Variants in CDH12 observed in about 807,000 individuals in gnomAD.
CDH12 encodes cadherin-12.
CDH12 carries 41 observed loss-of-function variants against 74.1 expected under a neutral mutation model. That is an observed-to-expected ratio of 0.55 (90% CI 0.43 to 0.72). CDH12 has a LOEUF of 0.72. Ranked by LOEUF, CDH12 falls within the 30% of genes least tolerant of loss-of-function variation. The pLI is 0.00. For missense variants in CDH12, 945 were observed against 977.2 expected, an observed-to-expected ratio of 0.97 and a Z score of 0.44; for synonymous variants, 399 against 355.0, an observed-to-expected ratio of 1.12 and a Z score of -1.39.
chr5:22,155,224 T>C, intron 4 of CDH12, among the ~76,000 whole-genome samples: 1 of 152,122 alleles, frequency 6.6e-6, no homozygotes, highest in South Asian at 2.1e-4. Context: ...AAGTGTGCTA[T>C]GTAACATGAC....
intron 4 of CDH12, chr5:22,139,459 T>C (rs1374852241): frequency 8.4e-6 from 1 of 119,216 alleles, no homozygotes; most frequent in Non-Finnish European, 1.8e-5. Context: ...ATCTATTCCA[T>C]AATTTGCACA....
chr5:21,886,255 T>G (rs530204939), intron 6 of CDH12, among the ~76,000 whole-genome samples: 9 of 151,938 alleles, frequency 5.9e-5, no homozygotes, highest in Non-Finnish European at 1.2e-4. Flanking sequence ...TTTCTTCATC[T>G]TTGGTATTCT....
intron 1 of CDH12, among the ~76,000 whole-genome samples, chr5:22,597,138 C>T (rs886625868): frequency 6.6e-6 from 1 of 152,154 alleles, no homozygotes; most frequent in African/African-American, 2.4e-5. Context: ...ATTCTTTGTC[C>T]TAAAAACTTA....
intron 4 of CDH12, among the ~76,000 whole-genome samples, chr5:22,166,397 G>A (rs1484072287): frequency 6.6e-6 from 1 of 152,104 alleles, no homozygotes; most frequent in African/African-American, 2.4e-5. Flanking sequence ...AGAAGTCAAT[G>A]GGTTTTTTTG....
chr5:22,667,504 G>T (rs1447659236), intron 1 of CDH12, among the ~76,000 whole-genome samples: 2 of 152,192 alleles, frequency 1.3e-5, no homozygotes, highest in Non-Finnish European at 2.9e-5. Flanking sequence ...CAGCCTGCTG[G>T]CCTGGGCACT....
At chr5:22,764,729 C>T (rs1455815446) in intron 1 of CDH12, among the ~76,000 whole-genome samples, 1 of 152,016 alleles carries the variant, frequency 6.6e-6, no homozygotes, top group East Asian at 1.9e-4. Context: ...AACAACATCA[C>T]TTCCGCGGCA....
chr5:21,893,903 A>G (rs892243720), intron 6 of CDH12, among the ~76,000 whole-genome samples: 1 of 152,218 alleles, frequency 6.6e-6, no homozygotes, highest in Non-Finnish European at 1.5e-5. Context: ...AAAGTTCTTT[A>G]CAACCCTTTA....
At chr5:22,647,346 C>G (rs973065060) in intron 1 of CDH12, among the ~76,000 whole-genome samples, 1 of 151,688 alleles carries the variant, frequency 6.6e-6, no homozygotes, top group Non-Finnish European at 1.5e-5. Flanking sequence ...CACTTTCCAG[C>G]ATAAAATATT....
chr5:22,267,710 G>C (rs1736191405), intron 3 of CDH12, among the ~76,000 whole-genome samples: 1 of 152,084 alleles, frequency 6.6e-6, no homozygotes, highest in Non-Finnish European at 1.5e-5. Flanking sequence ...ATAGACGGCT[G>C]GGGGTCTTCT....
chr5:22,697,629 T>G (rs1294969996), intron 1 of CDH12, among the ~76,000 whole-genome samples: 1 of 152,014 alleles, frequency 6.6e-6, no homozygotes, highest in Non-Finnish European at 1.5e-5. Flanking sequence ...CACATGTTTT[T>G]ATCTATTCAA....
chr5:22,180,195 C>A (rs552137403), intron 4 of CDH12, among the ~76,000 whole-genome samples: 65 of 152,274 alleles, frequency 4.3e-4, no homozygotes, highest in Non-Finnish European at 7.8e-4. Flanking sequence ...ATTCGACTGC[C>A]TCATTTTGCT....
chr5:22,059,353 A>G lies in CDH12; in HGVS notation c.231+19093T>C, dbSNP rs1323977370. The stretch of plus-strand genomic sequence containing the variant: ...CTATCTATCATCTATCTATCTATCT[A>G]TCTATCTATCTATCTATCTATCTAT... On this transcript the variant is annotated intron_variant, in intron 5 of 14. Transcript: ENST00000382254. Among the ~76,000 whole-genome samples, 184 of 107,020 alleles carry G rather than the reference A, an allele frequency of 1.7e-3. 1 individual carries two copies. Among genetic ancestry groups the G allele is most frequent in the African/African-American group, 9.6e-3 (161 of 16,716 alleles). The allele number at this position is 107,020 out of a possible 152,430, so 70.2% of individuals were successfully genotyped here.
chr5:22,148,462 G>C (rs1180266451), intron 4 of CDH12, among the ~76,000 whole-genome samples: 4 of 151,754 alleles, frequency 2.6e-5, no homozygotes, highest in Admixed American at 1.3e-4. Context: ...GCAGAGGTGG[G>C]AATGCATTTG....
Position 21,765,008 on chromosome 5 carries a change from T to C in CDH12, c.1485A>G (p.Thr495=). 1.9e-6 allele frequency: 3 copies of C among 1,613,738 alleles called. No homozygotes were observed. Among genetic ancestry groups the C allele is most frequent in the Non-Finnish European group, 2.5e-6 (3 of 1,179,742 alleles). The change falls in exon 12 of 15, where the codon ACA becomes ACG. Residue 495 remains threonine, a synonymous_variant. Coordinates refer to ENST00000382254, the MANE Select transcript of CDH12 (RefSeq NM_004061.5). Reference sequence around the variant, plus strand: ...CTGGCTTGGCATTTTCACACACGGCTGTCTCATATGGCACAGATATTTCTG... The same window carrying C: ...CTGGCTTGGCATTTTCACACACGGCCGTCTCATATGGCACAGATATTTCTG... ...FPPEISVPYE[T]AVCENAKPGQ... is the part of the protein sequence containing the mutation.
intron 3 of CDH12, among the ~76,000 whole-genome samples, chr5:22,385,235 C>T (rs906362645): frequency 2.0e-5 from 3 of 152,066 alleles, no homozygotes; most frequent in African/African-American, 7.2e-5. Flanking sequence ...ATTTTAAATG[C>T]CTTTTTTTAT....
At chr5:22,352,116 G>T (rs1740379133) in intron 3 of CDH12, among the ~76,000 whole-genome samples, 1 of 149,350 alleles carries the variant, frequency 6.7e-6, no homozygotes, top group Non-Finnish European at 1.5e-5. Flanking sequence ...GGAATCATTT[G>T]CTTAGACTTG....
At position 21,777,592 on chromosome 5, in the gene CDH12, G is replaced by A. The variant is rs571631448; in HGVS notation, c.1393+5766C>T. 1.7e-3 allele frequency among the ~76,000 whole-genome samples: 251 copies of A among 151,092 alleles called. 14 individuals carry two copies. The highest frequency in any genetic ancestry group is 0.016 in the Admixed American group (245 of 15,140). ...GGCTGGAGTGCAGTGGCATGACCTC[G>A]GCTCACTGCAACCTCCGCCTCCCGA... On this transcript the variant is annotated intron_variant, in intron 11 of 14. Transcript: ENST00000382254.
intron 1 of CDH12, among the ~76,000 whole-genome samples, chr5:22,839,102 C>A (rs981935243): frequency 6.6e-6 from 1 of 152,104 alleles, no homozygotes; most frequent in African/African-American, 2.4e-5. Flanking sequence ...GTTTCTTATT[C>A]TTTCTATTGC....
intron 4 of CDH12, among the ~76,000 whole-genome samples, chr5:22,184,125 A>C (rs1246359862): frequency 1.3e-5 from 2 of 152,028 alleles, no homozygotes; most frequent in African/African-American, 4.8e-5. Flanking sequence ...ATGTTTCTTA[A>C]CTCGGTTTTT....
Sources: gnomAD v4.1 joint callset for allele counts (sites outside exome capture counted in the v4.1 genomes callset) on GRCh38, gnomAD v4.1.1 for gene constraint, MANE v1.5 for transcripts, NCBI Gene and HGNC (gene_info 2026-07-23, HGNC 2026-07-21) for gene names.